Variants in ZNF354A observed in about 807,000 individuals in gnomAD.
The protein encoded by ZNF354A is zinc finger protein 354A.
A neutral mutation model predicts 53.3 loss-of-function variants in ZNF354A; 25 were observed. The ratio of observed to expected loss-of-function variants is 0.47; its 90% CI spans 0.34 to 0.66. The LOEUF (loss-of-function observed/expected upper bound fraction) is 0.66. Among genes scored for constraint, ZNF354A ranks in the 30% least tolerant of loss-of-function variants. The pLI, the probability that ZNF354A is intolerant of heterozygous loss-of-function variation, is 0.01. For missense variants in ZNF354A, 586 were observed against 716.8 expected, an observed-to-expected ratio of 0.82 and a Z score of 2.08; for synonymous variants, 228 against 249.0, an observed-to-expected ratio of 0.92 and a Z score of 0.79.
intron 4 of ZNF354A, among the ~76,000 whole-genome samples, chr5:178,721,219 G>A (rs1030300006): frequency 2.0e-5 from 3 of 151,880 alleles, no homozygotes; most frequent in East Asian, 1.9e-4. Flanking sequence ...TGAGATACGC[G>A]TTGTTGGCGA....
In ZNF354A at chr5:178,712,535, C is replaced by T; in HGVS notation, c.1343G>A (p.Ser448Asn). ...YNCNECGKAL[S>N]SHSTLIIHER... ...GTGAATAATAAGTGTTGAGTGGGAGCTTAAGGCTTTACCACATTCATTACA... is the reference window on the plus strand; with the variant it reads ...GTGAATAATAAGTGTTGAGTGGGAGTTTAAGGCTTTACCACATTCATTACA... The change falls in exon 5 of 5, where the codon AGC becomes AAC. Residue 448 changes from serine (S) to asparagine (N), a missense_variant. Physicochemically the swap from Ser to Asn is conservative, Grantham distance 46 (BLOSUM62 1). This residue lies in a region of ZNF354A where 573 missense variants were observed against 680.1 expected (regional missense o/e 0.84). Coordinates refer to ENST00000335815, the MANE Select transcript of ZNF354A (RefSeq NM_005649.3). 1.2e-6 allele frequency: 2 copies of T among 1,614,120 alleles called. No individual in the cohort carries two copies. Among genetic ancestry groups the T allele is most frequent in the Non-Finnish European group, 1.7e-6 (2 of 1,180,006 alleles).
At chr5:178,729,767 G>C (rs1352757655) in intron 1 of ZNF354A, among the ~76,000 whole-genome samples, 1 of 151,656 alleles carries the variant, frequency 6.6e-6, no homozygotes, top group African/African-American at 2.4e-5. Flanking sequence ...GGCTGGTCTC[G>C]AACTCCTGAT....
chr5:178,722,059 A>G (rs1765822095), intron 4 of ZNF354A, among the ~76,000 whole-genome samples: 1 of 152,102 alleles, frequency 6.6e-6, no homozygotes, highest in South Asian at 2.1e-4. Context: ...CTTGCCTCCA[A>G]TGTCACCTGC....
In ZNF354A at chr5:178,713,773, G is replaced by A. The variant is rs563999247; in HGVS notation, c.257-152C>T. ...AATTGCAAAAAGAAAAAATAGGACAGTTAGACAGTATAATAAAATATAATT... is the reference window on the plus strand; with the variant it reads ...AATTGCAAAAAGAAAAAATAGGACAATTAGACAGTATAATAAAATATAATT... On this transcript the variant is annotated intron_variant, in intron 4 of 4. Coordinates refer to ENST00000335815, the MANE Select transcript of ZNF354A (RefSeq NM_005649.3). The A allele has an allele frequency of 6.3e-5, 50 of 790,540 alleles. No individual in the cohort carries two copies. In the African/African-American group the frequency reaches 8.1e-4, roughly 13 times the overall value. 49.0% of individuals were successfully genotyped at this position (790,540 alleles called of 1,614,324 possible).
rs1164156283 is a variant in ZNF354A, at chr5:178,711,944, A to G, written c.*116T>C. On this transcript the variant is annotated 3_prime_UTR_variant, in exon 5 of 5. Coordinates refer to ENST00000335815, the MANE Select transcript of ZNF354A (RefSeq NM_005649.3). ...GTTTATCCATGGAATTAAATACCTA[A>G]TGAGGGCTAAATTATTACAGTTTTT... 4.6e-6 allele frequency: 6 copies of G among 1,312,678 alleles called. No homozygotes were observed. Among genetic ancestry groups the G allele is most frequent in the Non-Finnish European group, 5.1e-6 (5 of 971,894 alleles). 81.3% of individuals were successfully genotyped at this position (1,312,678 alleles called of 1,614,324 possible).
chr5:178,711,946 G>T lies in ZNF354A; in HGVS notation c.*114C>A. Reference sequence around the variant, plus strand: ...TTATCCATGGAATTAAATACCTAATGAGGGCTAAATTATTACAGTTTTTTT... The same window carrying T: ...TTATCCATGGAATTAAATACCTAATTAGGGCTAAATTATTACAGTTTTTTT... On this transcript the variant is annotated 3_prime_UTR_variant, in exon 5 of 5. Coordinates refer to ENST00000335815, the MANE Select transcript of ZNF354A (RefSeq NM_005649.3). The T allele has an allele frequency of 7.6e-7, 1 of 1,320,704 alleles. No homozygotes were observed. Among genetic ancestry groups the T allele is most frequent in the Non-Finnish European group, 1.0e-6 (1 of 978,854 alleles). 81.8% of individuals were successfully genotyped at this position (1,320,704 alleles called of 1,614,324 possible).
intron 4 of ZNF354A, among the ~76,000 whole-genome samples, chr5:178,723,312 C>T (rs905727720): frequency 3.3e-5 from 5 of 152,202 alleles, no homozygotes; most frequent in Non-Finnish European, 7.4e-5. Context: ...ACAAGCCCTG[C>T]ACTGTGGCCG....
At chr5:178,725,683 G>C (rs1232404686) in intron 3 of ZNF354A, among the ~76,000 whole-genome samples, 1 of 152,106 alleles carries the variant, frequency 6.6e-6, no homozygotes, top group Non-Finnish European at 1.5e-5. Flanking sequence ...ATTAATTATA[G>C]GTTAGGAAAA....
chr5:178,711,904 T>TTCTAGGGGTCCTCTTCGATATGA lies in ZNF354A; in HGVS notation c.*155_*156insTCATATCGAAGAGGACCCCTAGA. On this transcript the variant is annotated 3_prime_UTR_variant, in exon 5 of 5. Coordinates refer to ENST00000335815, the MANE Select transcript of ZNF354A (RefSeq NM_005649.3). ...CAGGCACAAACACTTTCCTCATATC[T>TTCTAGGGGTCCTCTTCGATATGA]ATTATATAGCTGAGGTTTATCCATG... The TTCTAGGGGTCCTCTTCGATATGA allele has an allele frequency of 1.2e-6, 1 of 843,996 alleles. No homozygotes were observed. Among genetic ancestry groups the TTCTAGGGGTCCTCTTCGATATGA allele is most frequent in the Non-Finnish European group, 1.7e-6 (1 of 581,342 alleles). The allele number at this position is 843,996 out of a possible 1,614,324, so 52.3% of individuals were successfully genotyped here. A position where few individuals can be genotyped will look rare whatever the true frequency, so the allele number is the denominator to read the frequency against.
intron 2 of ZNF354A, among the ~76,000 whole-genome samples, chr5:178,727,936 C>T (rs1180686007): frequency 6.6e-6 from 1 of 152,124 alleles, no homozygotes; most frequent in African/African-American, 2.4e-5. Context: ...CTGTAACCTC[C>T]ACCTTCCGGG....
intron 4 of ZNF354A, among the ~76,000 whole-genome samples, chr5:178,723,780 C>A (rs1032902425): frequency 6.6e-6 from 1 of 152,074 alleles, no homozygotes; most frequent in South Asian, 2.1e-4. Context: ...AACCTTGATC[C>A]CCCAGAGCCA....
chr5:178,728,843 T>C, intron 2 of ZNF354A, 147 bp downstream of exon 2: 2 of 1,135,964 alleles, frequency 1.8e-6, no homozygotes, highest in South Asian at 1.4e-5. Flanking sequence ...TGGTCCTCCC[T>C]ACAGAATCCA....
At chr5:178,716,633 C>T (rs1016786777) in intron 4 of ZNF354A, among the ~76,000 whole-genome samples, 3 of 152,130 alleles carry the variant, frequency 2.0e-5, no homozygotes, top group African/African-American at 4.8e-5. Context: ...ATAACAAGTA[C>T]GTAATAAAAG....
At chr5:178,727,991 C>T (rs116093010) in intron 2 of ZNF354A, among the ~76,000 whole-genome samples, 2,990 of 152,254 alleles carry the variant, frequency 0.02, 43 homozygotes, top group Middle Eastern at 0.044. Context: ...GGTGGGATTA[C>T]AGGTGCTAGA....
intron 4 of ZNF354A, among the ~76,000 whole-genome samples, chr5:178,725,030 G>A (rs1455796419): frequency 2.6e-5 from 4 of 152,166 alleles, no homozygotes; most frequent in Non-Finnish European, 4.4e-5. Flanking sequence ...CTTACCACGC[G>A]GCCCTTCCCT....
At chr5:178,722,254 A>G (rs924598294) in intron 4 of ZNF354A, among the ~76,000 whole-genome samples, 4 of 152,168 alleles carry the variant, frequency 2.6e-5, no homozygotes, top group African/African-American at 9.7e-5. Flanking sequence ...ATCACCCTAT[A>G]TTGATCAGGT....
chr5:178,717,951 G>A (rs1191565573), intron 4 of ZNF354A, among the ~76,000 whole-genome samples: 2 of 152,186 alleles, frequency 1.3e-5, no homozygotes, highest in African/African-American at 2.4e-5. Context: ...CCCAGCTGGA[G>A]TGCATGGAGG....
At chr5:178,721,065 C>A (rs191647432) in intron 4 of ZNF354A, among the ~76,000 whole-genome samples, 173 of 152,240 alleles carry the variant, frequency 1.1e-3, no homozygotes, top group Admixed American at 3.7e-3. Context: ...TTTGAGACCT[C>A]AAAAAGTCAT....
chr5:178,727,262 T>C lies in ZNF354A; in HGVS notation c.34-137A>G, dbSNP rs374336752. On this transcript the variant is annotated intron_variant, in intron 2 of 4. Coordinates refer to ENST00000335815, the MANE Select transcript of ZNF354A (RefSeq NM_005649.3). ...TGAAGGTTCCAGATCATTCGTTTAA[T>C]GAATAATTGGCCAGTAACAAATGTA... is the stretch of plus-strand genomic sequence containing the variant. The C allele has an allele frequency of 2.4e-5, 25 of 1,052,716 alleles. No individual in the cohort carries two copies. In the East Asian group the frequency reaches 6.7e-4, roughly 28 times the overall value. The allele number at this position is 1,052,716 out of a possible 1,614,324, so 65.2% of individuals were successfully genotyped here.
Sources: gnomAD v4.1 joint callset for allele counts (sites outside exome capture counted in the v4.1 genomes callset) on GRCh38, gnomAD v4.1.1 for gene constraint, gnomAD v4.1.1 regional missense constraint, MANE v1.5 for transcripts, NCBI Gene and HGNC (gene_info 2026-07-23, HGNC 2026-07-21) for gene names.